Variants in ART4 observed in about 807,000 individuals in gnomAD.
The protein encoded by ART4 is ecto-ADP-ribosyltransferase 4.
ART4 carries 14 observed loss-of-function variants against 24.2 expected under a neutral mutation model. The ratio of observed to expected loss-of-function variants is 0.58; its 90% CI spans 0.38 to 0.90. ART4 has a LOEUF of 0.90. Ranked by LOEUF, ART4 falls within the 40% of genes least tolerant of loss-of-function variation. The pLI is 0.00. For missense variants in ART4, 356 were observed against 366.6 expected, an observed-to-expected ratio of 0.97 and a Z score of 0.24; for synonymous variants, 145 against 139.9, an observed-to-expected ratio of 1.04 and a Z score of -0.26.
At chr12:14,831,404 G>A (rs1374377104) in intron 2 of ART4, among the ~76,000 whole-genome samples, 3 of 150,596 alleles carry the variant, frequency 2.0e-5, no homozygotes, top group African/African-American at 7.4e-5. Flanking sequence ...GGGTCTACAG[G>A]TGCACACCAC....
chr12:14,839,524 G>T (rs891770982), intron 2 of ART4, among the ~76,000 whole-genome samples: 5 of 152,204 alleles, frequency 3.3e-5, no homozygotes, highest in African/African-American at 1.2e-4. Context: ...CATGGTGGAA[G>T]AGAAGTTGGT....
rs779320868 is a variant in ART4 at position 14,843,116 on chromosome 12, G to C, written c.-3C>G. On this transcript the variant is annotated 5_prime_UTR_variant, in exon 1 of 3. Coordinates refer to ENST00000228936, the MANE Select transcript of ART4 (RefSeq NM_021071.4). ...CATCTGTTGATCAATGGACCCATTTGCTTGTGTCACAAGTACTTCTCCTTT... is the reference window on the plus strand; with the variant it reads ...CATCTGTTGATCAATGGACCCATTTCCTTGTGTCACAAGTACTTCTCCTTT... 1 of 1,613,982 alleles carries C rather than the reference G, an allele frequency of 6.2e-7. No individual in the cohort carries two copies. Among genetic ancestry groups the C allele is most frequent in the South Asian group, 1.1e-5 (1 of 91,060 alleles).
Position 14,825,576 on chromosome 12 carries a change from A to G in ART4, c.*3795T>C, listed in dbSNP as rs1950355049. The G allele has an allele frequency of 6.6e-6, 1 of 152,152 alleles. No individual in the cohort carries two copies. The highest frequency in any genetic ancestry group is 6.5e-5 in the Admixed American group (1 of 15,270). 9.4% of individuals were successfully genotyped at this position (152,152 alleles called of 1,614,324 possible). A position where few individuals can be genotyped will look rare whatever the true frequency, so the allele number is the denominator to read the frequency against. ...AAAAATGAAATACTATTATACTTGT[A>G]ATTTTTTTTATTAGTTGCCAGTGTT... On this transcript the variant is annotated 3_prime_UTR_variant, in exon 3 of 3. Transcript: ENST00000228936.
chr12:14,843,262 A>C lies in ART4; in HGVS notation c.-149T>G. On this transcript the variant is annotated 5_prime_UTR_variant, in exon 1 of 3. Transcript: ENST00000228936. The stretch of plus-strand genomic sequence containing the variant: ...GAGCAACTTCTGTTGCCCACCAACA[A>C]CCAATAGCTTGTCTGAGGGAAGAAA... The C allele has an allele frequency of 1.2e-6, 1 of 859,394 alleles. No individual in the cohort carries two copies. Among genetic ancestry groups the C allele is most frequent in the Non-Finnish European group, 1.7e-6 (1 of 572,646 alleles). The allele number at this position is 859,394 out of a possible 1,614,324, so 53.2% of individuals were successfully genotyped here.
intron 2 of ART4, among the ~76,000 whole-genome samples, chr12:14,838,922 A>C (rs987227191): frequency 6.6e-6 from 1 of 150,630 alleles, no homozygotes. Context: ...TTTCTGAATC[A>C]AAAAGGGCAC....
intron 2 of ART4, among the ~76,000 whole-genome samples, chr12:14,837,390 C>A (rs1045680573): frequency 1.6e-4 from 24 of 152,150 alleles, no homozygotes; most frequent in Admixed American, 1.3e-3. Flanking sequence ...GGTATATTCA[C>A]CATCATTCAT....
At chr12:14,832,778 C>T (rs914610843) in intron 2 of ART4, among the ~76,000 whole-genome samples, 1 of 152,118 alleles carries the variant, frequency 6.6e-6, no homozygotes, top group African/African-American at 2.4e-5. Context: ...TTCATAAGTC[C>T]TCTTTATAAT....
intron 2 of ART4, among the ~76,000 whole-genome samples, chr12:14,835,036 A>G (rs367902083): frequency 3.3e-5 from 5 of 152,202 alleles, no homozygotes; most frequent in Non-Finnish European, 5.9e-5. Context: ...GAATTACAGT[A>G]TGCTGCTGGG....
chr12:14,825,769 T>C lies in ART4; in HGVS notation c.*3602A>G, dbSNP rs1262820480. 1 of 152,162 alleles carries C rather than the reference T, an allele frequency of 6.6e-6. No homozygotes were observed. The highest frequency in any genetic ancestry group is 1.9e-4 in the East Asian group (1 of 5,198). 9.4% of individuals were successfully genotyped at this position (152,162 alleles called of 1,614,324 possible). On this transcript the variant is annotated 3_prime_UTR_variant, in exon 3 of 3. Transcript: ENST00000228936. ...CAAACTTTACTGAAATTTTCTTTCA[T>C]TGGATTTTTTTTAAAGTAAGAGTAA...
rs759529913 is a variant in ART4 at position 14,842,992 on chromosome 12, T to A, written c.122A>T (p.Gln41Leu). The change falls in exon 1 of 3, where the codon CAG becomes CTG. Residue 41 changes from glutamine to leucine, a missense_variant. Physicochemically the swap from Gln to Leu is moderately radical, Grantham distance 113 (BLOSUM62 -2). Transcript: ENST00000228936. ...TACCTCAGAACCCTCTGTGGGTCTC[T>A]GCAGGCCAGAGAGGAGCAGCAGGAA... ...LPFLLLLSGL[Q>L]RPTEGSEVAI... The A allele has an allele frequency of 6.2e-7, 1 of 1,613,330 alleles. No homozygotes were observed. The highest frequency in any genetic ancestry group is 8.5e-7 in the Non-Finnish European group (1 of 1,179,704).
rs532592412 is a variant in ART4 at position 14,840,624 on chromosome 12, A to T, written c.674T>A (p.Leu225Gln). Reference sequence around the variant, plus strand: ...ACCCAGGCAGGTGAATATGGTAAATAGTGTCTGGTTCCCAAACTCCTGTGC... The same window carrying T: ...ACCCAGGCAGGTGAATATGGTAAATTGTGTCTGGTTCCCAAACTCCTGTGC... Reference protein sequence around the residue: ...EEAQEFGNQTLFTIFTCLGAP... With the variant: ...EEAQEFGNQTQFTIFTCLGAP... Residue 225 changes from leucine to glutamine, a missense_variant, in exon 2 of 3, where the codon CTA becomes CAA. By Grantham distance (113) the Leu-to-Gln change is moderately radical (BLOSUM62 -2). Transcript: ENST00000228936. The T allele has an allele frequency of 6.0e-5, 97 of 1,614,166 alleles. No homozygotes were observed. In the South Asian group the frequency reaches 9.4e-4, roughly 16 times the overall value.
chr12:14,841,232 A>T (rs1187477797), intron 1 of ART4, 79 bp from the exon 2 acceptor site: 1 of 1,337,218 alleles, frequency 7.5e-7, no homozygotes, highest in Non-Finnish European at 1.0e-6. Context: ...GTACTCTATA[A>T]GGGTAAGTCT....
At chr12:14,836,698 C>A (rs749688729) in intron 2 of ART4, among the ~76,000 whole-genome samples, 1 of 152,124 alleles carries the variant, frequency 6.6e-6, no homozygotes, top group Non-Finnish European at 1.5e-5. Context: ...TCTCTGCAAC[C>A]CTTAGTCAGA....
chr12:14,839,515 A>T (rs185105211), intron 2 of ART4, among the ~76,000 whole-genome samples: 2 of 152,350 alleles, frequency 1.3e-5, no homozygotes, highest in Non-Finnish European at 2.9e-5. Context: ...ATACCATAGC[A>T]TGGTGGAAGA....
rs1356009508 is a variant in ART4, at chr12:14,825,814, T to A, written c.*3557A>T. 6.6e-6 allele frequency: 1 copy of A among 152,190 alleles called. No homozygotes were observed. Among genetic ancestry groups the A allele is most frequent in the Non-Finnish European group, 1.5e-5 (1 of 68,032 alleles). The allele number at this position is 152,190 out of a possible 1,614,324, so 9.4% of individuals were successfully genotyped here. On this transcript the variant is annotated 3_prime_UTR_variant, in exon 3 of 3. Coordinates refer to ENST00000228936, the MANE Select transcript of ART4 (RefSeq NM_021071.4). ...GAGTAAATAGAGAACTTCAGGATAA[T>A]CTAATAGGCGTATTAAAGAGAACAC...
chr12:14,839,470 G>A (rs890039658), intron 2 of ART4, among the ~76,000 whole-genome samples: 2 of 152,204 alleles, frequency 1.3e-5, no homozygotes, highest in African/African-American at 4.8e-5. Flanking sequence ...AAGTCCAAGA[G>A]CATGGCTCCA....
intron 2 of ART4, among the ~76,000 whole-genome samples, chr12:14,837,724 AG>A (rs980984852): frequency 6.6e-6 from 1 of 152,168 alleles, no homozygotes; most frequent in African/African-American, 2.4e-5. Flanking sequence ...CATGTTGGCC[AG>A]GCTGGTCTCA....
Position 14,835,037 on chromosome 12 carries a change from T to C in ART4, c.853+5408A>G, listed in dbSNP as rs529039196. ...TCTCTTCTTTGGGAGAATTACAGTATGCTGCTGGGTAATTTTAAAGGTCTT... is the reference window on the plus strand; with the variant it reads ...TCTCTTCTTTGGGAGAATTACAGTACGCTGCTGGGTAATTTTAAAGGTCTT... On this transcript the variant is annotated intron_variant, in intron 2 of 2. Transcript: ENST00000228936. Among the ~76,000 whole-genome samples, 375 of 152,312 alleles carry C rather than the reference T, an allele frequency of 2.5e-3. 3 individuals are homozygous for C. The highest frequency in any genetic ancestry group is 3.4e-3 in the Middle Eastern group (1 of 294).
chr12:14,830,567 G>A (rs1374908954), intron 2 of ART4, among the ~76,000 whole-genome samples: 2 of 142,440 alleles, frequency 1.4e-5, no homozygotes, highest in Admixed American at 7.1e-5. Flanking sequence ...GTGTGTGTGT[G>A]TGTGTGTGTG....
Sources: gnomAD v4.1 joint callset for allele counts (sites outside exome capture counted in the v4.1 genomes callset) on GRCh38, gnomAD v4.1.1 for gene constraint, MANE v1.5 for transcripts, NCBI Gene and HGNC (gene_info 2026-07-23, HGNC 2026-07-21) for gene names.